The following USP34 variants were observed in gnomAD, a reference collection of about 807,000 sequenced individuals.
The protein encoded by USP34 is ubiquitin specific peptidase 34, also known as ubiquitin carboxyl-terminal hydrolase 34.
A neutral mutation model predicts 460.3 loss-of-function variants in USP34; 70 were observed. The observed-to-expected ratio is 0.15, with a 90% CI of 0.13 to 0.19. USP34 has a LOEUF of 0.19. Among genes scored for constraint, USP34 ranks in the 10% least tolerant of loss-of-function variants. USP34 has a pLI of 1.00. For synonymous variants in USP34, 1,647 were observed against 1,405.3 expected, an observed-to-expected ratio of 1.17 and a Z score of -3.85; for missense variants, 3,985 against 4,236.2, an observed-to-expected ratio of 0.94 and a Z score of 1.65.
At chr2:61,433,961 A>G (rs996290875) in intron 1 of USP34, among the ~76,000 whole-genome samples, 1 of 152,150 alleles carries the variant, frequency 6.6e-6, no homozygotes, top group Admixed American at 6.5e-5. Context: ...CACAGCAGGG[A>G]AAACCAACTC....
At chr2:61,329,759 C>T (rs1384108310) in intron 20 of USP34, among the ~76,000 whole-genome samples, 2 of 152,138 alleles carry the variant, frequency 1.3e-5, no homozygotes, top group Non-Finnish European at 2.9e-5. Flanking sequence ...ACCTATGTGC[C>T]AGGTACAATT....
chr2:61,248,590 T>C lies in USP34; in HGVS notation c.6315A>G (p.Thr2105=), dbSNP rs748594842. ...MVTMMKEKVN[T]HFSFPLRLDM... is the part of the protein sequence containing the mutation. ...CCAAACGTAATGGGAAGGAAAAGTG[T>C]GTATTCACTTTCTCTTTCATCATCG... Residue 2105 remains threonine, a synonymous_variant, in exon 49 of 80, where the codon ACA becomes ACG. Transcript: ENST00000398571. 3.7e-6 allele frequency: 6 copies of C among 1,609,014 alleles called. No homozygotes were observed. In the East Asian group the frequency reaches 1.3e-4, roughly 36 times the overall value.
At chr2:61,202,125 G>C (rs1686993399) in intron 75 of USP34, among the ~76,000 whole-genome samples, 1 of 152,186 alleles carries the variant, frequency 6.6e-6, no homozygotes, top group South Asian at 2.1e-4. Context: ...TTTTGCTGAA[G>C]TGGAATTATC....
chr2:61,215,039 C>A (rs1478299494), intron 67 of USP34, among the ~76,000 whole-genome samples: 1 of 152,170 alleles, frequency 6.6e-6, no homozygotes, highest in African/African-American at 2.4e-5. Flanking sequence ...CATTTGCAGT[C>A]AGAAGACCTA....
At chr2:61,192,057 G>C (rs1005149102) in intron 76 of USP34, among the ~76,000 whole-genome samples, 10 of 152,186 alleles carry the variant, frequency 6.6e-5, no homozygotes, top group African/African-American at 2.2e-4. Flanking sequence ...CACCAGTAGA[G>C]TACAGGATGG....
chr2:61,269,472 G>T (rs1194613790), intron 41 of USP34, among the ~76,000 whole-genome samples: 1 of 151,822 alleles, frequency 6.6e-6, no homozygotes, highest in Non-Finnish European at 1.5e-5. Context: ...TAAGAGAGAT[G>T]AATAAAAGTT....
intron 33 of USP34, among the ~76,000 whole-genome samples, chr2:61,290,348 A>C (rs948573327): frequency 6.6e-6 from 1 of 152,160 alleles, no homozygotes; most frequent in Non-Finnish European, 1.5e-5. Context: ...TATTAATCCA[A>C]GAGATAAAAA....
intron 5 of USP34, among the ~76,000 whole-genome samples, chr2:61,391,708 T>C (rs1368354820): frequency 6.6e-6 from 1 of 152,168 alleles, no homozygotes; most frequent in African/African-American, 2.4e-5. Context: ...GTTTATACAA[T>C]GACCCACTAG....
At chr2:61,252,777 T>C (rs533055439) in intron 48 of USP34, among the ~76,000 whole-genome samples, 1 of 152,170 alleles carries the variant, frequency 6.6e-6, no homozygotes, top group Non-Finnish European at 1.5e-5. Context: ...GAATAACTAA[T>C]GAGCTTGTGG....
intron 43 of USP34, 84 bp downstream of exon 43, chr2:61,265,313 T>C (rs1689015777): frequency 7.0e-7 from 1 of 1,424,072 alleles, no homozygotes. Flanking sequence ...TTTTCAAACA[T>C]TTACTACATT....
chr2:61,306,311 A>T (rs1282938664), intron 27 of USP34, among the ~76,000 whole-genome samples: 1 of 152,162 alleles, frequency 6.6e-6, no homozygotes, highest in Non-Finnish European at 1.5e-5. Flanking sequence ...TCCCAGCATC[A>T]TTTATTAAAT....
intron 78 of USP34, 183 bp downstream of exon 78, chr2:61,190,088 T>C (rs753195059): frequency 5.4e-5 from 33 of 608,628 alleles, no homozygotes; most frequent in Middle Eastern, 4.6e-4. Context: ...TCCAAGGTGA[T>C]AGAGTGTGCT....
intron 7 of USP34, 94 bp downstream of exon 7, chr2:61,380,075 G>T: frequency 9.7e-7 from 1 of 1,026,148 alleles, no homozygotes; most frequent in Non-Finnish European, 1.4e-6. Flanking sequence ...TTAGCACAAT[G>T]CCTAGTATGA....
chr2:61,433,213 C>G (rs1335442911), intron 1 of USP34, among the ~76,000 whole-genome samples: 1 of 152,230 alleles, frequency 6.6e-6, no homozygotes, highest in African/African-American at 2.4e-5. Context: ...GCCTCTGCAG[C>G]CCCATCTCCC....
intron 1 of USP34, among the ~76,000 whole-genome samples, chr2:61,429,652 G>A (rs1347466215): frequency 1.3e-5 from 2 of 151,932 alleles, no homozygotes; most frequent in East Asian, 1.9e-4. Context: ...GCCAACATAC[G>A]GAATTCTATT....
intron 2 of USP34, among the ~76,000 whole-genome samples, chr2:61,420,362 T>C (rs1358426945): frequency 2.0e-5 from 3 of 152,220 alleles, no homozygotes; most frequent in Non-Finnish European, 2.9e-5. Flanking sequence ...CACATAATTA[T>C]AGAAACGGAA....
At chr2:61,441,802 C>CAAAAAAAAAAAAAAA (rs70963429) in intron 1 of USP34, among the ~76,000 whole-genome samples, 1 of 97,334 alleles carries the variant, frequency 1.0e-5, no homozygotes, top group Non-Finnish European at 2.1e-5. Context: ...GACTGCATTA[C>CAAAAAAAAAAAAAAA]AAAAAAAAAA....
chr2:61,350,529 CG>C (rs775330310), intron 11 of USP34, 38 bp downstream of exon 11: 14 of 1,550,782 alleles, frequency 9.0e-6, no homozygotes, highest in Non-Finnish European at 4.3e-6. Flanking sequence ...TTTCACTTCA[CG>C]GGAAAAAAAA....
intron 3 of USP34, among the ~76,000 whole-genome samples, chr2:61,400,852 T>C (rs1693694698): frequency 6.6e-6 from 1 of 151,950 alleles, no homozygotes; most frequent in Non-Finnish European, 1.5e-5. Flanking sequence ...AGACCCTGAT[T>C]CAAAAATTAA....
Sources: allele counts gnomAD v4.1 joint callset (sites outside exome capture counted in the v4.1 genomes callset), GRCh38; gene constraint gnomAD v4.1.1; transcripts MANE v1.5; gene names NCBI Gene and HGNC (gene_info 2026-07-23, HGNC 2026-07-21).